Variants in VAX2 observed in about 807,000 individuals in gnomAD.
VAX2 encodes ventral anterior homeobox 2.
In VAX2, 8 loss-of-function variants were observed where a neutral mutation model predicts 12.5. The ratio of observed to expected loss-of-function variants is 0.64; its 90% CI spans 0.37 to 1.15. The LOEUF (loss-of-function observed/expected upper bound fraction) is 1.15. VAX2 is among the 50% of genes most tolerant of loss of function. The probability of loss-of-function intolerance (pLI) is 0.01; values close to 1 mark genes in which losing one functional copy is unlikely to be tolerated. For synonymous variants in VAX2, 183 were observed against 187.6 expected (o/e 0.98, Z 0.20); for missense variants, 476 against 412.9 (o/e 1.15, Z -1.32).
intron 2 of VAX2, among the ~76,000 whole-genome samples, chr2:70,923,392 A>G (rs916616249): frequency 6.6e-6 from 1 of 152,190 alleles, no homozygotes; most frequent in Non-Finnish European, 1.5e-5. Context: ...CACCAGGTGT[A>G]TGGTATGTTC....
chr2:70,910,767 TC>T (rs1318084547), intron 1 of VAX2, among the ~76,000 whole-genome samples: 16 of 146,832 alleles, frequency 1.1e-4, no homozygotes, highest in Admixed American at 4.1e-4. Context: ...TGCAAACAAC[TC>T]CCAGGTCACT....
intron 1 of VAX2, among the ~76,000 whole-genome samples, chr2:70,907,108 C>T (rs1356391452): frequency 6.6e-6 from 1 of 152,242 alleles, no homozygotes; most frequent in East Asian, 1.9e-4. Flanking sequence ...TATTTTTTGA[C>T]GTTGCAATGT....
chr2:70,923,116 G>C (rs1311382721), intron 2 of VAX2, among the ~76,000 whole-genome samples: 1 of 152,100 alleles, frequency 6.6e-6, no homozygotes, highest in Non-Finnish European at 1.5e-5. Context: ...GTATTTATAG[G>C]CCATGGCTCC....
At position 70,932,945 on chromosome 2, in the gene VAX2, CT is replaced by C. The variant is rs782353869; in HGVS notation, c.615del (p.Ser206AlafsTer14). The C allele has an allele frequency of 7.6e-5, 123 of 1,612,556 alleles. 2 individuals are homozygous for C. In the East Asian group the frequency reaches 2.7e-3, roughly 35 times the overall value. On this transcript the variant is annotated frameshift_variant, in exon 3 of 3. Transcript: ENST00000234392. LOFTEE classifies it low-confidence loss of function (END_TRUNC). The part of the protein sequence containing the change: ...PRAPSLLALT[P>X]SLPGLPASHR... ...GCCCCTAGCCTCCTGGCGCTGACCC[CT>C]AGCCTGCCAGGCCTACCTGCCAGCC...
chr2:70,929,635 C>T (rs925354140), intron 2 of VAX2, among the ~76,000 whole-genome samples: 22 of 146,134 alleles, frequency 1.5e-4, no homozygotes, highest in African/African-American at 5.2e-4. Context: ...TGCAGTGAGC[C>T]GAGATCATGC....
intron 2 of VAX2, among the ~76,000 whole-genome samples, chr2:70,930,430 T>A (rs1553414158): frequency 6.6e-6 from 1 of 152,156 alleles, no homozygotes; most frequent in East Asian, 1.9e-4. Context: ...GCCCACTCTT[T>A]ACCTCCTCCC....
chr2:70,924,211 C>T (rs999263737), intron 2 of VAX2: 2 of 152,102 alleles, frequency 1.3e-5, no homozygotes, highest in East Asian at 1.9e-4. Context: ...CCTCCCCTCC[C>T]TAGAAGGAAA....
At chr2:70,924,448 G>T (rs782156224) in intron 2 of VAX2, 3 of 151,940 alleles carry the variant, frequency 2.0e-5, no homozygotes, top group Non-Finnish European at 4.4e-5. Flanking sequence ...CTCCCTCCTC[G>T]GCCTTCCAAA....
chr2:70,924,052 TTGGGAGGCTGAGG>T (rs1409718515), intron 2 of VAX2, among the ~76,000 whole-genome samples: 3 of 152,156 alleles, frequency 2.0e-5, no homozygotes, highest in African/African-American at 4.8e-5. Context: ...TCCCAGCTAC[TTGGGAGGCTGAGG>T]TGGGAGGATT....
intron 2 of VAX2, among the ~76,000 whole-genome samples, chr2:70,922,350 C>T (rs145958244): frequency 1.3e-5 from 2 of 152,106 alleles, no homozygotes; most frequent in South Asian, 2.1e-4. Context: ...TTCCTTGGAG[C>T]GAGGCGGGAG....
chr2:70,919,117 ACTT>A (rs1679383206), intron 1 of VAX2, among the ~76,000 whole-genome samples: 1 of 7,828 alleles, frequency 1.3e-4, no homozygotes, highest in Non-Finnish European at 2.0e-4. Context: ...CAGGAGAATC[ACTT>A]GAACCTGGGA....
chr2:70,929,309 G>T (rs1434519198), intron 2 of VAX2, among the ~76,000 whole-genome samples: 3 of 152,152 alleles, frequency 2.0e-5, no homozygotes, highest in African/African-American at 7.2e-5. Context: ...CTAAAGCAGT[G>T]CCCCCCAGAG....
intron 2 of VAX2, among the ~76,000 whole-genome samples, chr2:70,928,985 C>T (rs1489459795): frequency 8.5e-5 from 13 of 152,156 alleles, no homozygotes; most frequent in African/African-American, 1.7e-4. Flanking sequence ...GGTCCTAGGA[C>T]GGGGAGGTGC....
At position 70,904,165 on chromosome 2, in the gene VAX2, C is replaced by T. The variant is rs746888101; in HGVS notation, c.247+3297C>T. ...CTGAGAAGGCCGCTCCACACCTCCG[C>T]GTGCACAGTCCCTAGACCAGTGAGG... On this transcript the variant is annotated intron_variant, in intron 1 of 2. Coordinates refer to ENST00000234392, the MANE Select transcript of VAX2 (RefSeq NM_012476.3). The surrounding 1 kb of genome is among the most constrained non-coding windows in gnomAD (Gnocchi z 4.2). Among the ~76,000 whole-genome samples the T allele has an allele frequency of 1.3e-5, 2 of 152,246 alleles. No individual in the cohort carries two copies. The highest frequency in any genetic ancestry group is 2.9e-5 in the Non-Finnish European group (2 of 68,044).
At chr2:70,916,352 A>G (rs1679304747) in intron 1 of VAX2, among the ~76,000 whole-genome samples, 1 of 152,264 alleles carries the variant, frequency 6.6e-6, no homozygotes, top group Admixed American at 6.5e-5. Flanking sequence ...ATAATTAACT[A>G]GACTACAGAC....
chr2:70,912,542 A>T (rs1679211380), intron 1 of VAX2, among the ~76,000 whole-genome samples: 1 of 151,970 alleles, frequency 6.6e-6, no homozygotes, highest in African/African-American at 2.4e-5. Flanking sequence ...GGCGCCTGTA[A>T]TCCCATCTAC....
At chr2:70,906,191 G>A (rs1679054803) in intron 1 of VAX2, among the ~76,000 whole-genome samples, 2 of 152,218 alleles carry the variant, frequency 1.3e-5, no homozygotes, top group Admixed American at 1.3e-4. Flanking sequence ...GGCGAGACAG[G>A]TCTAGGAGGC....
chr2:70,905,388 C>T (rs1190229436), intron 1 of VAX2, among the ~76,000 whole-genome samples: 17 of 151,958 alleles, frequency 1.1e-4, no homozygotes, highest in African/African-American at 2.2e-4. Flanking sequence ...TACTTGTTTT[C>T]GGCAGGAGGC....
At position 70,932,752 on chromosome 2, in the gene VAX2, C is replaced by A. The variant is rs1480600813; in HGVS notation, c.436-15C>A. ...GTCCCATCTCCCTCCTTGACACCCC[C>A]TCCCCCACCCCAAGGTGAAGGTCTG... On this transcript the variant is annotated splice_polypyrimidine_tract_variant and intron_variant, in intron 2 of 2. Transcript: ENST00000234392. 8 of 1,523,578 alleles carry A rather than the reference C, an allele frequency of 5.3e-6. No homozygotes were observed. The East Asian group carries it at 1.9e-4, about 37-fold the overall frequency. 94.4% of individuals were successfully genotyped at this position (1,523,578 alleles called of 1,614,324 possible). A position where few individuals can be genotyped will look rare whatever the true frequency, so the allele number is the denominator to read the frequency against.
Sources: gnomAD v4.1 joint callset for allele counts (sites outside exome capture counted in the v4.1 genomes callset) on GRCh38, gnomAD v4.1.1 for gene constraint, Gnocchi (gnomAD v3.1) non-coding constraint, MANE v1.5 for transcripts, NCBI Gene and HGNC (gene_info 2026-07-23, HGNC 2026-07-21) for gene names.